Variants in DPF3 observed in about 807,000 individuals in gnomAD.
DPF3 encodes zinc finger protein DPF3.
Under a neutral mutation model 56.8 loss-of-function variants are expected in DPF3, and 18 were observed. That is an observed-to-expected ratio of 0.32 (90% CI 0.22 to 0.47). The LOEUF (loss-of-function observed/expected upper bound fraction) is 0.47. Among genes scored for constraint, DPF3 ranks in the 20% least tolerant of loss-of-function variants. The pLI, the probability that DPF3 is intolerant of heterozygous loss-of-function variation, is 1.00. For synonymous variants in DPF3, 188 were observed against 180.2 expected (o/e 1.04, Z -0.35); for missense variants, 403 against 488.8 (o/e 0.82, Z 1.65).
chr14:72,718,898 G>A (rs1034734043), intron 5 of DPF3, among the ~76,000 whole-genome samples: 1 of 150,018 alleles, frequency 6.7e-6, no homozygotes, highest in African/African-American at 2.5e-5. Context: ...AGCCCCCTGA[G>A]TAGCTGGGAT....
chr14:72,785,846 T>G (rs2139972804), intron 1 of DPF3, among the ~76,000 whole-genome samples: 1 of 152,308 alleles, frequency 6.6e-6, no homozygotes, highest in Middle Eastern at 3.4e-3. Context: ...GCCCTGTGGT[T>G]CTGAACATCA....
Position 72,841,963 on chromosome 14 carries a change from T to G in DPF3, c.32+52094A>C, listed in dbSNP as rs188270811. 2.4e-3 allele frequency among the ~76,000 whole-genome samples: 369 copies of G among 152,150 alleles called. 3 individuals carry two copies. The highest frequency in any genetic ancestry group is 8.3e-3 in the African/African-American group (346 of 41,520). On this transcript the variant is annotated intron_variant, in intron 1 of 10. Transcript: ENST00000556509. Reference sequence around the variant, plus strand: ...AATTAGCTGGGTGTGGTGGTACACCTGTAATCCTAGCTATTCAGGAGGCTG... The same window carrying G: ...AATTAGCTGGGTGTGGTGGTACACCGGTAATCCTAGCTATTCAGGAGGCTG...
chr14:72,806,513 G>C (rs770291338), intron 1 of DPF3, among the ~76,000 whole-genome samples: 34 of 152,184 alleles, frequency 2.2e-4, no homozygotes, highest in Non-Finnish European at 3.5e-4. Context: ...AAGACTCAAA[G>C]CACCTCCACA....
chr14:72,706,244 C>T (rs559488483), intron 6 of DPF3, among the ~76,000 whole-genome samples: 72 of 152,296 alleles, frequency 4.7e-4, no homozygotes, highest in Middle Eastern at 6.8e-3. Flanking sequence ...ATATCAATTC[C>T]ATCCATGCGC....
intron 8 of DPF3, among the ~76,000 whole-genome samples, chr14:72,667,459 T>A (rs1028751817): frequency 2.6e-5 from 4 of 152,198 alleles, no homozygotes; most frequent in Non-Finnish European, 5.9e-5. Context: ...GGGTGGTACT[T>A]TACTGAGCTG....
chr14:72,632,612 G>A (rs1315621784), intron 8 of DPF3, among the ~76,000 whole-genome samples: 1 of 148,390 alleles, frequency 6.7e-6, no homozygotes, highest in Non-Finnish European at 1.5e-5. Flanking sequence ...AGGAAGAAAG[G>A]AAGGAAGGAA....
intron 2 of DPF3, among the ~76,000 whole-genome samples, chr14:72,770,802 G>A (rs1003332407): frequency 6.6e-6 from 1 of 152,162 alleles, no homozygotes; most frequent in African/African-American, 2.4e-5. Context: ...TCCTGTAGCT[G>A]TCTCCCTAAT....
At chr14:72,647,994 C>A (rs1230910745) in intron 8 of DPF3, among the ~76,000 whole-genome samples, 1 of 152,162 alleles carries the variant, frequency 6.6e-6, no homozygotes, top group African/African-American at 2.4e-5. Context: ...CAGCCTTGCA[C>A]GTGTCTGCCT....
intron 1 of DPF3, among the ~76,000 whole-genome samples, chr14:72,844,391 AG>A (rs1203867574): frequency 1.3e-5 from 2 of 152,146 alleles, no homozygotes; most frequent in Admixed American, 1.3e-4. Flanking sequence ...TTTTGATTGG[AG>A]GGGGGAAAAT....
intron 1 of DPF3, among the ~76,000 whole-genome samples, chr14:72,844,883 G>T (rs1884687421): frequency 6.6e-6 from 1 of 152,146 alleles, no homozygotes; most frequent in Non-Finnish European, 1.5e-5. Flanking sequence ...CAGTAGTTTG[G>T]GAGGTCAAGG....
intron 1 of DPF3, among the ~76,000 whole-genome samples, chr14:72,863,118 ATGTG>A (rs59855191): frequency 0.015 from 1,752 of 116,130 alleles, 29 homozygotes; most frequent in African/African-American, 0.019. Context: ...GTATACATAT[ATGTG>A]TGTGTGTGTG....
intron 6 of DPF3, among the ~76,000 whole-genome samples, chr14:72,710,942 C>T (rs745516842): frequency 2.5e-4 from 38 of 152,248 alleles, no homozygotes; most frequent in Middle Eastern, 3.4e-3. Context: ...TTCTCTGAGA[C>T]GGAAGAAATT....
Position 72,609,983 on chromosome 14 carries a change from C to A in DPF3, c.*9314G>T, listed in dbSNP as rs1883628383. 6.6e-6 allele frequency among the ~76,000 whole-genome samples: 1 copy of A among 152,188 alleles called. No homozygotes were observed. The highest frequency in any genetic ancestry group is 2.1e-4 in the South Asian group (1 of 4,826). ...GTGTTCAAAAGAGCAAAAAGGGAAACCCTCTTTCATAGGCATTTCTCTCAC... is the reference window on the plus strand; with the variant it reads ...GTGTTCAAAAGAGCAAAAAGGGAAAACCTCTTTCATAGGCATTTCTCTCAC... On this transcript the variant is annotated 3_prime_UTR_variant, in exon 11 of 11. Coordinates refer to ENST00000556509, the MANE Select transcript of DPF3 (RefSeq NM_001280542.3).
At chr14:72,853,804 CACTGCAGT>C (rs1567257578) in intron 1 of DPF3, among the ~76,000 whole-genome samples, 1 of 152,178 alleles carries the variant, frequency 6.6e-6, no homozygotes, top group Non-Finnish European at 1.5e-5. Context: ...TGCAAACTTT[CACTGCAGT>C]ACTGCCAACC....
At chr14:72,653,434 G>A (rs2153568719) in intron 8 of DPF3, among the ~76,000 whole-genome samples, 1 of 152,372 alleles carries the variant, frequency 6.6e-6, no homozygotes, top group African/African-American at 2.4e-5. Context: ...GAGGTGAAGA[G>A]CGAAGAGAAT....
rs1392424836 is a variant in DPF3, at chr14:72,615,948, A to G, written c.*3349T>C. Reference sequence around the variant, plus strand: ...CTCTGGTTTGCTGGAGCCACAGTACAGAGGGGTGAAGCCCAGCAAAGTTCT... The same window carrying G: ...CTCTGGTTTGCTGGAGCCACAGTACGGAGGGGTGAAGCCCAGCAAAGTTCT... On this transcript the variant is annotated 3_prime_UTR_variant, in exon 11 of 11. Coordinates refer to ENST00000556509, the MANE Select transcript of DPF3 (RefSeq NM_001280542.3). Among the ~76,000 whole-genome samples, 1 of 152,244 alleles carries G rather than the reference A, an allele frequency of 6.6e-6. No individual in the cohort carries two copies. Among genetic ancestry groups the G allele is most frequent in the Non-Finnish European group, 1.5e-5 (1 of 68,044 alleles).
intron 3 of DPF3, among the ~76,000 whole-genome samples, chr14:72,749,539 T>C (rs934985654): frequency 6.6e-6 from 1 of 152,216 alleles, no homozygotes; most frequent in East Asian, 1.9e-4. Flanking sequence ...AATGTGAAGA[T>C]ATGAGATTTG....
At chr14:72,641,437 C>T (rs192385630) in intron 8 of DPF3, among the ~76,000 whole-genome samples, 226 of 152,332 alleles carry the variant, frequency 1.5e-3, no homozygotes, top group African/African-American at 4.8e-3. Flanking sequence ...GTCCTTCCCC[C>T]GGCGATGAAT....
At chr14:72,879,315 G>A (rs904826476) in intron 1 of DPF3, among the ~76,000 whole-genome samples, 2 of 151,890 alleles carry the variant, frequency 1.3e-5, no homozygotes, top group African/African-American at 4.8e-5. Flanking sequence ...CCCAGGAGGT[G>A]GAGGTTGCAG....
Sources: allele counts gnomAD v4.1 joint callset (sites outside exome capture counted in the v4.1 genomes callset), GRCh38; gene constraint gnomAD v4.1.1; transcripts MANE v1.5; gene names NCBI Gene and HGNC (gene_info 2026-07-23, HGNC 2026-07-21).